The following NCALD variants were observed in gnomAD, a reference collection of about 807,000 sequenced individuals.
NCALD encodes neurocalcin-delta.
NCALD carries 10 observed loss-of-function variants against 18.6 expected under a neutral mutation model. The ratio of observed to expected loss-of-function variants is 0.54; its 90% confidence interval spans 0.33 to 0.91. NCALD has a LOEUF of 0.91. Ranked by LOEUF, NCALD falls within the 40% of genes least tolerant of loss-of-function variation. The pLI, the probability that NCALD is intolerant of heterozygous loss-of-function variation, is 0.03. For missense variants in NCALD, 184 were observed against 247.6 expected, an observed-to-expected ratio of 0.74 and a Z score of 1.72; for synonymous variants, 88 against 87.4, an observed-to-expected ratio of 1.01 and a Z score of -0.04.
chr8:102,108,654 C>A (rs1313011291), intron 1 of NCALD, among the ~76,000 whole-genome samples: 1 of 152,146 alleles, frequency 6.6e-6, no homozygotes. Flanking sequence ...GTAAATTCTT[C>A]AAGGAGAGGA....
chr8:101,760,520 C>T (rs535911960), intron 1 of NCALD, among the ~76,000 whole-genome samples: 1 of 152,190 alleles, frequency 6.6e-6, no homozygotes. Context: ...TCCCAGAGAG[C>T]GTCTGGCTGT....
At chr8:101,768,641 G>A (rs184379647) in intron 1 of NCALD, among the ~76,000 whole-genome samples, 141 of 151,464 alleles carry the variant, frequency 9.3e-4, no homozygotes, top group Non-Finnish European at 1.4e-3. Flanking sequence ...CCCGGGAGGC[G>A]GAAGATGCAA....
chr8:101,899,634 G>A (rs1231259023), intron 3 of NCALD, among the ~76,000 whole-genome samples: 1 of 151,828 alleles, frequency 6.6e-6, no homozygotes, highest in East Asian at 1.9e-4. Context: ...ACATCAATTA[G>A]TATGATTGTG....
At chr8:101,825,806 A>T (rs1414282399) in intron 4 of NCALD, among the ~76,000 whole-genome samples, 3 of 152,182 alleles carry the variant, frequency 2.0e-5, no homozygotes, top group African/African-American at 7.2e-5. Flanking sequence ...CAAGCACTCA[A>T]CTCTGCCACT....
At chr8:101,764,089 C>T (rs1406746919) in intron 1 of NCALD, among the ~76,000 whole-genome samples, 2 of 151,118 alleles carry the variant, frequency 1.3e-5, no homozygotes, top group African/African-American at 2.4e-5. Flanking sequence ...ATATTCTAGT[C>T]GAGTAGTAGG....
chr8:101,878,651 G>A (rs1270075437), intron 4 of NCALD, among the ~76,000 whole-genome samples: 1 of 152,170 alleles, frequency 6.6e-6, no homozygotes, highest in African/African-American at 2.4e-5. Context: ...GGTCATACCA[G>A]CACCAAGAAG....
chr8:102,099,899 G>A (rs553459232), intron 1 of NCALD, among the ~76,000 whole-genome samples: 2 of 151,640 alleles, frequency 1.3e-5, no homozygotes, highest in Admixed American at 1.3e-4. Context: ...TTGAACCCGG[G>A]AGACAGAGGT....
At chr8:101,691,916 C>T in intron 3 of NCALD, 3 of 985,428 alleles carry the variant, frequency 3.0e-6, no homozygotes, top group Non-Finnish European at 3.6e-6. Flanking sequence ...ATAATAACAG[C>T]AAGAGCTACA....
chr8:102,005,893 G>C (rs1300372399), intron 2 of NCALD, among the ~76,000 whole-genome samples: 1 of 133,034 alleles, frequency 7.5e-6, no homozygotes, highest in East Asian at 2.5e-4. Flanking sequence ...TGGGGGGGCA[G>C]GGGGGAGGGA....
At chr8:101,691,837 G>C in intron 3 of NCALD, 1 of 985,414 alleles carries the variant, frequency 1.0e-6, no homozygotes, top group Non-Finnish European at 1.2e-6. Context: ...GCGCCAGGTG[G>C]GGGACCCAAG....
chr8:102,040,006 AT>A (rs1365029043), intron 1 of NCALD, among the ~76,000 whole-genome samples: 1 of 151,940 alleles, frequency 6.6e-6, no homozygotes, highest in Admixed American at 6.6e-5. Context: ...CAAATAAACC[AT>A]TTTTCTTTAC....
At chr8:101,930,339 C>G (rs887747618) in intron 2 of NCALD, among the ~76,000 whole-genome samples, 3 of 152,128 alleles carry the variant, frequency 2.0e-5, no homozygotes, top group African/African-American at 7.2e-5. Flanking sequence ...TCTGGCTACT[C>G]CAACGCCATC....
chr8:101,817,139 T>C (rs919792825), intron 4 of NCALD, among the ~76,000 whole-genome samples: 3 of 152,128 alleles, frequency 2.0e-5, no homozygotes, highest in African/African-American at 7.2e-5. Context: ...AATTCCTTGG[T>C]TGAACCCAAA....
intron 4 of NCALD, among the ~76,000 whole-genome samples, chr8:101,818,042 G>A (rs1363071322): frequency 6.6e-6 from 1 of 152,158 alleles, no homozygotes; most frequent in African/African-American, 2.4e-5. Context: ...AGCTGCTCGA[G>A]AGATGAGGCC....
At chr8:101,754,237 C>G (rs76529479) in intron 1 of NCALD, among the ~76,000 whole-genome samples, 4,925 of 152,200 alleles carry the variant, frequency 0.032, 173 homozygotes, top group African/African-American at 0.087. Context: ...ATTTCTTGGG[C>G]TTTTTCTGTA....
intron 1 of NCALD, among the ~76,000 whole-genome samples, chr8:102,111,924 T>C (rs970648137): frequency 7.2e-5 from 11 of 152,210 alleles, no homozygotes; most frequent in African/African-American, 2.2e-4. Context: ...TTATGGGTGA[T>C]AACACTACAG....
rs112660857 is a variant in NCALD, at chr8:101,802,475, C to T, written c.-19-82827G>A. Among the ~76,000 whole-genome samples, 872 of 152,152 alleles carry T rather than the reference C, an allele frequency of 5.7e-3. 11 individuals are homozygous for T. The highest frequency in any genetic ancestry group is 0.018 in the African/African-American group (766 of 41,504). Reference sequence around the variant, plus strand: ...GAGAAAAGCGTGTTGAAAGCCAAGACAGGCTGAAAACTAAGCCTCTTGTGC... The same window carrying T: ...GAGAAAAGCGTGTTGAAAGCCAAGATAGGCTGAAAACTAAGCCTCTTGTGC... On this transcript the variant is annotated intron_variant, in intron 4 of 6. Coordinates refer to the NCALD transcript ENST00000311028.
chr8:101,892,741 T>A (rs907553164), intron 3 of NCALD, among the ~76,000 whole-genome samples: 2 of 150,256 alleles, frequency 1.3e-5, no homozygotes, highest in Non-Finnish European at 2.9e-5. Flanking sequence ...GCTGATGCGA[T>A]CAACTGGAAG....
chr8:101,860,241 A>G (rs1815484487), intron 4 of NCALD, among the ~76,000 whole-genome samples: 1 of 152,182 alleles, frequency 6.6e-6, no homozygotes. Flanking sequence ...CTGCCTCAGG[A>G]AACTACCGGA....
Sources: allele counts gnomAD v4.1 joint callset (sites outside exome capture counted in the v4.1 genomes callset), GRCh38; gene constraint gnomAD v4.1.1; transcripts MANE v1.5; gene names NCBI Gene and HGNC (gene_info 2026-07-23, HGNC 2026-07-21).